The following C1orf21 variants were observed in gnomAD, a reference collection of about 807,000 sequenced individuals.
C1orf21 encodes the protein chromosome 1 open reading frame 21.
A neutral mutation model predicts 18.7 loss-of-function variants in C1orf21; 3 were observed. The observed-to-expected ratio is 0.16, with a 90% CI of 0.07 to 0.42. The LOEUF (loss-of-function observed/expected upper bound fraction) is 0.42, where lower values mean the gene tolerates loss of function less well. C1orf21 is among the 10% of genes least tolerant of loss of function. The pLI is 0.99. For missense variants in C1orf21, 104 were observed against 143.6 expected (o/e 0.72, Z 1.41); for synonymous variants, 41 against 46.4 (o/e 0.88, Z 0.47).
At chr1:184,596,688 G>T (rs571172731) in intron 4 of C1orf21, among the ~76,000 whole-genome samples, 3 of 152,150 alleles carry the variant, frequency 2.0e-5, no homozygotes, top group African/African-American at 7.2e-5. Flanking sequence ...TGGCCAACAT[G>T]GTGAAACCTC....
At chr1:184,599,902 A>T (rs747274325) in intron 5 of C1orf21, among the ~76,000 whole-genome samples, 6 of 152,200 alleles carry the variant, frequency 3.9e-5, no homozygotes, top group Admixed American at 6.5e-5. Flanking sequence ...ATATTCCAAA[A>T]TTCGGAAACG....
intron 1 of C1orf21, among the ~76,000 whole-genome samples, chr1:184,410,446 T>G (rs964603757): frequency 6.7e-6 from 1 of 150,218 alleles, no homozygotes; most frequent in African/African-American, 2.5e-5. Flanking sequence ...GGTGGACATA[T>G]TTCTGTAAAT....
chr1:184,453,122 A>G (rs1048944302), intron 1 of C1orf21, among the ~76,000 whole-genome samples: 2 of 152,186 alleles, frequency 1.3e-5, no homozygotes, highest in Non-Finnish European at 2.9e-5. Context: ...TAAGTGATGC[A>G]TACTACAGCC....
Position 184,548,214 on chromosome 1 carries a change from AACACACACACACAC to A in C1orf21, c.189+40561_189+40574del, listed in dbSNP as rs58174774. Among the ~76,000 whole-genome samples, 81 of 140,066 alleles carry A rather than the reference AACACACACACACAC, an allele frequency of 5.8e-4. 1 individual carries two copies. Among genetic ancestry groups the A allele is most frequent in the South Asian group, 4.1e-3 (17 of 4,158 alleles). 91.9% of individuals were successfully genotyped at this position (140,066 alleles called of 152,430 possible). A position where few individuals can be genotyped will look rare whatever the true frequency, so the allele number is the denominator to read the frequency against. ...ATAGTAATCCATATCTCAAATCCCC[AACACACACACACAC>A]ACACACACACACACACACACACACA... On this transcript the variant is annotated intron_variant, in intron 3 of 5. Coordinates refer to ENST00000235307, the MANE Select transcript of C1orf21 (RefSeq NM_030806.4).
intron 1 of C1orf21, among the ~76,000 whole-genome samples, chr1:184,397,540 C>G (rs11584402): frequency 0.015 from 2,298 of 151,700 alleles, 28 homozygotes; most frequent in Middle Eastern, 0.027. Context: ...GAGCCAAGAT[C>G]GCGCTACTGC....
chr1:184,519,685 C>A (rs1178413681), intron 3 of C1orf21, among the ~76,000 whole-genome samples: 1 of 152,166 alleles, frequency 6.6e-6, no homozygotes, highest in Non-Finnish European at 1.5e-5. Flanking sequence ...AATAAAACCA[C>A]AGCATATAAA....
intron 1 of C1orf21, among the ~76,000 whole-genome samples, chr1:184,437,081 G>C (rs1435826702): frequency 6.6e-6 from 1 of 152,158 alleles, no homozygotes; most frequent in Non-Finnish European, 1.5e-5. Context: ...AAGAGAGCCT[G>C]TGGGATGGGG....
At chr1:184,443,026 A>G (rs945104345) in intron 1 of C1orf21, among the ~76,000 whole-genome samples, 4 of 152,222 alleles carry the variant, frequency 2.6e-5, no homozygotes, top group Non-Finnish European at 5.9e-5. Flanking sequence ...TTGTGAAGTC[A>G]GTAATAACAA....
At chr1:184,463,100 A>AAAG (rs1332140278) in intron 1 of C1orf21, among the ~76,000 whole-genome samples, 20 of 151,326 alleles carry the variant, frequency 1.3e-4, no homozygotes, top group African/African-American at 2.9e-4. Context: ...AAAAAAAAAA[A>AAAG]AAGAAGAAGA....
At chr1:184,501,231 G>A (rs1657971207) in intron 2 of C1orf21, among the ~76,000 whole-genome samples, 1 of 152,136 alleles carries the variant, frequency 6.6e-6, no homozygotes, top group Admixed American at 6.6e-5. Context: ...CTTGTATAAG[G>A]TCTTCGGTTC....
At chr1:184,605,947 G>A (rs937877183) in intron 5 of C1orf21, among the ~76,000 whole-genome samples, 1 of 152,224 alleles carries the variant, frequency 6.6e-6, no homozygotes, top group African/African-American at 2.4e-5. Flanking sequence ...ACCTGAAAAT[G>A]CAGAACTTAG....
intron 3 of C1orf21, among the ~76,000 whole-genome samples, chr1:184,515,130 A>G (rs188052041): frequency 6.6e-6 from 1 of 152,236 alleles, no homozygotes; most frequent in Non-Finnish European, 1.5e-5. Flanking sequence ...CTCCTGGCAT[A>G]GAAGATGCCA....
intron 2 of C1orf21, among the ~76,000 whole-genome samples, chr1:184,499,093 C>T (rs1052401591): frequency 2.6e-5 from 4 of 152,086 alleles, no homozygotes; most frequent in African/African-American, 9.7e-5. Flanking sequence ...TATCCTCCTC[C>T]TCCTCCTCTT....
intron 5 of C1orf21, among the ~76,000 whole-genome samples, chr1:184,611,859 G>T (rs766900510): frequency 6.6e-6 from 1 of 152,154 alleles, no homozygotes; most frequent in Non-Finnish European, 1.5e-5. Flanking sequence ...ACTCAGAACA[G>T]AGAGGATGGG....
intron 2 of C1orf21, among the ~76,000 whole-genome samples, chr1:184,483,867 G>A (rs902483341): frequency 6.7e-6 from 1 of 148,546 alleles, no homozygotes; most frequent in African/African-American, 2.5e-5. Context: ...CAAGGCACCT[G>A]AAGGTGGCTC....
chr1:184,598,282 GA>G (rs2102002421), intron 4 of C1orf21, 118 bp from the exon 5 acceptor site: 1 of 799,166 alleles, frequency 1.3e-6, no homozygotes, highest in Admixed American at 2.9e-5. Flanking sequence ...TATTTCAGTG[GA>G]AAAGTCTGCA....
intron 1 of C1orf21, among the ~76,000 whole-genome samples, chr1:184,460,241 A>G (rs1382296295): frequency 6.6e-6 from 1 of 152,202 alleles, no homozygotes; most frequent in Non-Finnish European, 1.5e-5. Context: ...GAGGAAAGCC[A>G]TTCAGTAAAT....
At chr1:184,458,192 A>T (rs975669400) in intron 1 of C1orf21, among the ~76,000 whole-genome samples, 3 of 152,128 alleles carry the variant, frequency 2.0e-5, no homozygotes, top group African/African-American at 7.2e-5. Context: ...TACGTGACTA[A>T]GGGGACTCCC....
chr1:184,456,947 A>T (rs1657207944), intron 1 of C1orf21, among the ~76,000 whole-genome samples: 1 of 152,198 alleles, frequency 6.6e-6, no homozygotes, highest in African/African-American at 2.4e-5. Flanking sequence ...AAAAAAATGA[A>T]TAAATGGTTT....
Sources: gnomAD v4.1 joint callset for allele counts (sites outside exome capture counted in the v4.1 genomes callset) on GRCh38, gnomAD v4.1.1 for gene constraint, MANE v1.5 for transcripts, NCBI Gene and HGNC (gene_info 2026-07-23, HGNC 2026-07-21) for gene names.